The following ITGA8 variants were observed in gnomAD, a reference collection of about 807,000 sequenced individuals.
The protein encoded by ITGA8 is integrin alpha-8.
A neutral mutation model predicts 142.3 loss-of-function variants in ITGA8; 91 were observed. The ratio of observed to expected loss-of-function variants is 0.64; its 90% CI spans 0.54 to 0.76. ITGA8 has a LOEUF of 0.76. ITGA8 is among the 30% of genes least tolerant of loss of function. The pLI is 0.00. For synonymous variants in ITGA8, 505 were observed against 485.2 expected (o/e 1.04, Z -0.54); for missense variants, 1,406 against 1,327.7 (o/e 1.06, Z -0.92).
At chr10:15,702,552 A>G (rs1835184143) in intron 2 of ITGA8, among the ~76,000 whole-genome samples, 1 of 152,014 alleles carries the variant, frequency 6.6e-6, no homozygotes, top group African/African-American at 2.4e-5. Context: ...CGGCCTCCCA[A>G]AGTGCTGGGA....
rs1252616452 is a variant in ITGA8 at position 15,719,629 on chromosome 10, A to G, written c.143T>C (p.Val48Ala). The part of the protein sequence containing the change: ...AFNLDVEKLT[V>A]YSGPKGSYFG... ...GTAGCTGCCCTTGGGGCCGCTGTACACTGTGAGCTTTTCCACGTCCAGGTT... is the reference window on the plus strand; with the variant it reads ...GTAGCTGCCCTTGGGGCCGCTGTACGCTGTGAGCTTTTCCACGTCCAGGTT... Residue 48 changes from valine (V) to alanine (A), a missense_variant, in exon 1 of 30, where the codon GTG becomes GCG. Val to Ala is a moderately conservative substitution (Grantham distance 64, BLOSUM62 0). Coordinates refer to ENST00000378076, the MANE Select transcript of ITGA8 (RefSeq NM_003638.3). The G allele has an allele frequency of 2.6e-6, 4 of 1,542,374 alleles. No individual in the cohort carries two copies. Among genetic ancestry groups the G allele is most frequent in the African/African-American group, 2.9e-5 (2 of 69,614 alleles).
At chr10:15,600,528 C>T (rs1370870255) in intron 20 of ITGA8, among the ~76,000 whole-genome samples, 1 of 152,132 alleles carries the variant, frequency 6.6e-6, no homozygotes, top group Non-Finnish European at 1.5e-5. Flanking sequence ...GAACTCAAGC[C>T]AGCTGGAAGC....
rs1454481159 is a variant in ITGA8 at position 15,565,542 on chromosome 10, T to C, written c.2637+6669A>G. Among the ~76,000 whole-genome samples, 4 of 144,520 alleles carry C rather than the reference T, an allele frequency of 2.8e-5. 1 individual carries two copies. The highest frequency in any genetic ancestry group is 4.1e-4 in the East Asian group (2 of 4,826). 94.8% of individuals were successfully genotyped at this position (144,520 alleles called of 152,430 possible). A position where few individuals can be genotyped will look rare whatever the true frequency, so the allele number is the denominator to read the frequency against. On this transcript the variant is annotated intron_variant, in intron 25 of 29. Transcript: ENST00000378076. ...AAATCAGGAGTTAATGGTAAAGATA[T>C]ACTAAATAATCTTCTTCCTTTCATG... is the stretch of plus-strand genomic sequence containing the variant.
intron 24 of ITGA8, among the ~76,000 whole-genome samples, chr10:15,573,904 G>C (rs1834235055): frequency 1.3e-5 from 2 of 151,950 alleles, no homozygotes; most frequent in South Asian, 4.2e-4. Flanking sequence ...CAAAAACAGA[G>C]CAAAACCAAA....
At chr10:15,593,113 C>T (rs561885734) in intron 21 of ITGA8, among the ~76,000 whole-genome samples, 24 of 152,212 alleles carry the variant, frequency 1.6e-4, no homozygotes, top group African/African-American at 3.1e-4. Flanking sequence ...TACAGGAGTG[C>T]GGATGCGCTA....
chr10:15,669,514 C>G (rs10904612), intron 8 of ITGA8, among the ~76,000 whole-genome samples: 87,943 of 152,128 alleles, frequency 0.58, 26,507 homozygotes, highest in South Asian at 0.75. Context: ...CTTCTTCTCT[C>G]AACTCATCAA....
intron 8 of ITGA8, among the ~76,000 whole-genome samples, chr10:15,664,742 C>T (rs1834355329): frequency 6.6e-6 from 1 of 150,430 alleles, no homozygotes; most frequent in African/African-American, 2.5e-5. Flanking sequence ...GTTCAATTCC[C>T]ACCTATGAGT....
intron 25 of ITGA8, among the ~76,000 whole-genome samples, chr10:15,562,955 C>T (rs573146382): frequency 9.5e-4 from 144 of 152,290 alleles, no homozygotes; most frequent in Non-Finnish European, 1.7e-3. Context: ...GGGGGTGGAT[C>T]CCTCATGAAT....
intron 21 of ITGA8, among the ~76,000 whole-genome samples, chr10:15,593,956 C>T (rs1449410923): frequency 1.3e-5 from 2 of 151,788 alleles, no homozygotes; most frequent in Non-Finnish European, 2.9e-5. Context: ...ATTCTCCTGC[C>T]TCAGCCTCCT....
chr10:15,520,480 C>T (rs544238479), intron 28 of ITGA8, among the ~76,000 whole-genome samples: 44 of 152,126 alleles, frequency 2.9e-4, no homozygotes, highest in Non-Finnish European at 4.3e-4. Context: ...CATTTCATCC[C>T]GCACTGTTGC....
chr10:15,690,074 C>G (rs1052426780), intron 2 of ITGA8, among the ~76,000 whole-genome samples: 5 of 152,146 alleles, frequency 3.3e-5, no homozygotes, highest in Non-Finnish European at 7.3e-5. Context: ...TTAGCTTTCT[C>G]TGAGCTGTAC....
At chr10:15,519,587 G>T (rs577469853) in intron 28 of ITGA8, among the ~76,000 whole-genome samples, 175 bp from the exon 29 acceptor site, 2 of 152,142 alleles carry the variant, frequency 1.3e-5, no homozygotes, top group Admixed American at 6.5e-5. Flanking sequence ...AAGCTAGCAT[G>T]TTCCTAGATC....
chr10:15,670,891 C>T (rs1480707301), intron 8 of ITGA8, among the ~76,000 whole-genome samples: 2 of 152,132 alleles, frequency 1.3e-5, no homozygotes, highest in East Asian at 1.9e-4. Context: ...CTTCAACACC[C>T]GCATTTTCTA....
chr10:15,675,515 C>A (rs1834611273), intron 6 of ITGA8, among the ~76,000 whole-genome samples: 2 of 152,192 alleles, frequency 1.3e-5, no homozygotes, highest in Admixed American at 6.5e-5. Context: ...GACAACTTTA[C>A]CTGAAACTTA....
At position 15,655,371 on chromosome 10, in the gene ITGA8, T is replaced by A. The variant is rs771557502; in HGVS notation, c.984A>T (p.Ser328=). 1 of 1,606,638 alleles carries A rather than the reference T, an allele frequency of 6.2e-7. No homozygotes were observed. Among genetic ancestry groups the A allele is most frequent in the Non-Finnish European group, 8.5e-7 (1 of 1,173,400 alleles). The change falls in exon 11 of 30, where the codon TCA becomes TCT. Residue 328 remains serine, a synonymous_variant. Transcript: ENST00000378076. ...ASYFGYTVVV[S]DVNSDGLDDV... is the part of the protein sequence containing the mutation. ...AAACTTACCCATCACTGTTAACATC[T>A]GATACGACAACGGTATATCCAAAAT...
chr10:15,646,993 GGTT>G lies in ITGA8; in HGVS notation c.1057_1059del (p.Asn353del), dbSNP rs1354995996. 3.7e-6 allele frequency: 6 copies of G among 1,613,912 alleles called. No individual in the cohort carries two copies. The highest frequency in any genetic ancestry group is 4.2e-6 in the Non-Finnish European group (5 of 1,180,002). ...AGGTAGATTTGCCCTACTTCTCTGGGGTTGCTCTCAAATTCACGTTCCATAAAG... is the reference window on the plus strand; with the variant it reads ...AGGTAGATTTGCCCTACTTCTCTGGGGCTCTCAAATTCACGTTCCATAAAG... On this transcript the variant is annotated inframe_deletion, in exon 12 of 30. Transcript: ENST00000378076.
intron 20 of ITGA8, among the ~76,000 whole-genome samples, chr10:15,600,497 G>A (rs538574260): frequency 6.6e-6 from 1 of 152,292 alleles, no homozygotes; most frequent in South Asian, 2.1e-4. Context: ...AGCTCTCCGT[G>A]TCATTACAGG....
chr10:15,689,317 G>A (rs9333077), intron 2 of ITGA8, among the ~76,000 whole-genome samples: 17,235 of 152,190 alleles, frequency 0.11, 1,002 homozygotes, highest in East Asian at 0.19. Flanking sequence ...AACTTAAGGA[G>A]ATCGCTGGAG....
intron 20 of ITGA8, among the ~76,000 whole-genome samples, chr10:15,601,950 C>T (rs570969197): frequency 6.6e-6 from 1 of 152,236 alleles, no homozygotes; most frequent in South Asian, 2.1e-4. Context: ...AAGTCTCTGC[C>T]AAAGGGAAAT....
Sources: gnomAD v4.1 joint callset for allele counts (sites outside exome capture counted in the v4.1 genomes callset) on GRCh38, gnomAD v4.1.1 for gene constraint, MANE v1.5 for transcripts, NCBI Gene and HGNC (gene_info 2026-07-23, HGNC 2026-07-21) for gene names.